HOXD13: variants seen among roughly 807,000 people sequenced by gnomAD.
The protein encoded by HOXD13 is homeobox protein Hox-D13.
Under a neutral mutation model 27.3 loss-of-function variants are expected in HOXD13, and 16 were observed. The ratio of observed to expected loss-of-function variants is 0.59; its 90% CI spans 0.40 to 0.89. The LOEUF (loss-of-function observed/expected upper bound fraction) is 0.89, where lower values mean the gene tolerates loss of function less well. HOXD13 is among the 40% of genes least tolerant of loss of function. The probability of loss-of-function intolerance (pLI) is 0.00; values close to 1 mark genes in which losing one functional copy is unlikely to be tolerated. For synonymous variants in HOXD13, 241 were observed against 219.0 expected, an observed-to-expected ratio of 1.10 and a Z score of -0.89; for missense variants, 481 against 482.6, an observed-to-expected ratio of 1.00 and a Z score of 0.03.
At chr2:176,089,450 A>G (rs1384610354), upstream of HOXD13, among the ~76,000 whole-genome samples, 1 of 152,208 alleles carries the variant, frequency 6.6e-6, no homozygotes, top group Non-Finnish European at 1.5e-5. Flanking sequence ...CCATCAAGAC[A>G]AGTGCTTTCA....
chr2:176,092,472 G>A (rs1185616105), upstream of HOXD13, among the ~76,000 whole-genome samples: 1 of 151,390 alleles, frequency 6.6e-6, no homozygotes, highest in Non-Finnish European at 1.5e-5. Context: ...GCCTGGGTCG[G>A]GGGGGAGGGC....
At chr2:176,089,566 A>G (rs141671331), upstream of HOXD13, among the ~76,000 whole-genome samples, 124 of 152,350 alleles carry the variant, frequency 8.1e-4, no homozygotes, top group Non-Finnish European at 1.6e-3. Context: ...AAGCAGAGCA[A>G]CTTCAATAAA....
At chr2:176,093,994 C>T (rs903661892) in intron 1 of HOXD13, among the ~76,000 whole-genome samples, 1 of 152,158 alleles carries the variant, frequency 6.6e-6, no homozygotes, top group Non-Finnish European at 1.5e-5. Context: ...AGAAACCTGA[C>T]AGAGTTGGGT....
upstream of HOXD13, among the ~76,000 whole-genome samples, chr2:176,089,206 T>C (rs1378904536): frequency 6.6e-6 from 1 of 151,386 alleles, no homozygotes; most frequent in Non-Finnish European, 1.5e-5. Context: ...TGGTTTGTTG[T>C]TGTTGTTGTT....
In HOXD13 at chr2:176,093,523, C is replaced by T. The variant is rs1689363496; in HGVS notation, c.633C>T (p.Ser211=). 3 of 1,614,028 alleles carry T rather than the reference C, an allele frequency of 1.9e-6. No individual in the cohort carries two copies. Among genetic ancestry groups the T allele is most frequent in the Non-Finnish European group, 2.5e-6 (3 of 1,180,028 alleles). Residue 211 remains serine, a synonymous_variant, in exon 1 of 2, where the codon TCC becomes TCT. Coordinates refer to ENST00000392539, the MANE Select transcript of HOXD13 (RefSeq NM_000523.4). ...TGCCCGGCTATATCGACATGGTGTC[C>T]ACTTTCGGCTCCGGGGAGCCTCGGC... The part of the protein sequence containing the change: ...QHVPGYIDMV[S]TFGSGEPRHE...
chr2:176,094,292 CCTT>C (rs1689378021), intron 1 of HOXD13, among the ~76,000 whole-genome samples, 185 bp from the exon 2 acceptor site: 1 of 152,008 alleles, frequency 6.6e-6, no homozygotes, highest in South Asian at 2.1e-4. Flanking sequence ...TGCAAATAAT[CCTT>C]CTTTAATAAC....
At chr2:176,089,832 C>T (rs1333700828), upstream of HOXD13, among the ~76,000 whole-genome samples, 1 of 152,198 alleles carries the variant, frequency 6.6e-6, no homozygotes, top group Non-Finnish European at 1.5e-5. Context: ...CTGAAGAAGA[C>T]ACACGTTTGG....
chr2:176,092,296 C>A (rs1689331620), upstream of HOXD13, among the ~76,000 whole-genome samples: 1 of 152,236 alleles, frequency 6.6e-6, no homozygotes, highest in African/African-American at 2.4e-5. Flanking sequence ...CTGATCATCT[C>A]TGTCCTTCGT....
rs747426894 is a variant in HOXD13 at position 176,093,073 on chromosome 2, A to AGCGGCGGCT, written c.192_200dup (p.Ala69_Ala71dup). 17 of 1,377,776 alleles carry AGCGGCGGCT rather than the reference A, an allele frequency of 1.2e-5. No individual in the cohort carries two copies. Among genetic ancestry groups the AGCGGCGGCT allele is most frequent in the South Asian group, 3.5e-5 (2 of 57,642 alleles). The allele number at this position is 1,377,776 out of a possible 1,614,324, so 85.3% of individuals were successfully genotyped here. A position where few individuals can be genotyped will look rare whatever the true frequency, so the allele number is the denominator to read the frequency against. On this transcript the variant is annotated inframe_insertion, in exon 1 of 2. Transcript: ENST00000392539. ...ATTCGGGGCGGGCGGCGGCGGCGGCAGCGGCGGCTGCGGCGGCGGCGGCGG... is the reference window on the plus strand; with the variant it reads ...ATTCGGGGCGGGCGGCGGCGGCGGCAGCGGCGGCTGCGGCGGCTGCGGCGGCGGCGGCGG...
upstream of HOXD13, among the ~76,000 whole-genome samples, chr2:176,091,206 C>T (rs571216448): frequency 1.3e-4 from 20 of 152,288 alleles, no homozygotes; most frequent in Admixed American, 1.1e-3. Flanking sequence ...GGCTCTCTTC[C>T]TCATCTTACT....
upstream of HOXD13, among the ~76,000 whole-genome samples, chr2:176,091,933 C>G (rs1455320120): frequency 6.6e-6 from 1 of 152,008 alleles, no homozygotes; most frequent in Non-Finnish European, 1.5e-5. Context: ...CTGAGAGGCC[C>G]AGGTCGGAAG....
At position 176,092,863 on chromosome 2, in the gene HOXD13, C is replaced by T; in HGVS notation, c.-28C>T. ...ATGGTGTCCTGCGCGGGGCCAGGGCCAGGGCCGGGGCCGGGCCAGGCCGGG... is the reference window on the plus strand; with the variant it reads ...ATGGTGTCCTGCGCGGGGCCAGGGCTAGGGCCGGGGCCGGGCCAGGCCGGG... On this transcript the variant is annotated 5_prime_UTR_variant, in exon 1 of 2. Transcript: ENST00000392539. 2 of 1,213,854 alleles carry T rather than the reference C, an allele frequency of 1.6e-6. No individual in the cohort carries two copies. Among genetic ancestry groups the T allele is most frequent in the Non-Finnish European group, 2.0e-6 (2 of 976,106 alleles). 75.2% of individuals were successfully genotyped at this position (1,213,854 alleles called of 1,614,324 possible).
rs200514497 is a variant in HOXD13 at position 176,093,204 on chromosome 2, A to C, written c.314A>C (p.Lys105Thr). ...VAARPEAPPAKECPAPTPAAA... is the reference protein window; with the variant it reads ...VAARPEAPPATECPAPTPAAA... The stretch of plus-strand genomic sequence containing the variant: ...GCGCGCCCGGAGGCTCCCCCAGCCA[A>C]AGAGTGCCCAGCACCCACGCCTGCA... The change falls in exon 1 of 2, where the codon AAA (lysine) becomes ACA (threonine). Residue 105 changes from lysine to threonine, a missense_variant. By Grantham distance (78) the Lys-to-Thr change is moderately conservative. Coordinates refer to ENST00000392539, the MANE Select transcript of HOXD13 (RefSeq NM_000523.4). The C allele has an allele frequency of 6.3e-4, 1,009 of 1,609,728 alleles. 6 individuals carry two copies. The African/African-American group carries it at 0.011, about 17-fold the overall frequency.
At chr2:176,091,459 A>T (rs1245330973), upstream of HOXD13, among the ~76,000 whole-genome samples, 1 of 152,118 alleles carries the variant, frequency 6.6e-6, no homozygotes, top group African/African-American at 2.4e-5. Context: ...AGTTGCTGAG[A>T]TTGAGGGATG....
chr2:176,093,314 C>T lies in HOXD13; in HGVS notation c.424C>T (p.His142Tyr). The T allele has an allele frequency of 1.2e-6, 2 of 1,612,916 alleles. No homozygotes were observed. Among genetic ancestry groups the T allele is most frequent in the Non-Finnish European group, 1.7e-6 (2 of 1,179,844 alleles). The change falls in exon 1 of 2, where the codon CAC (histidine) becomes TAC (tyrosine). Residue 142 changes from histidine to tyrosine, a missense_variant. Physicochemically the swap from His to Tyr is moderately conservative, Grantham distance 83. Coordinates refer to ENST00000392539, the MANE Select transcript of HOXD13 (RefSeq NM_000523.4). ...CGGCTACTACAGCTGCCGTATGTCG[C>T]ACGGCGTGGGCTTACAGCAGAATGC... ...GNGYYSCRMS[H>Y]GVGLQQNALK...
In HOXD13 at chr2:176,093,479, A is replaced by G. The variant is rs374086950; in HGVS notation, c.589A>G (p.Thr197Ala). 6.2e-7 allele frequency: 1 copy of G among 1,613,964 alleles called. No individual in the cohort carries two copies. Residue 197 changes from threonine (T) to alanine (A), a missense_variant, in exon 1 of 2, where the codon ACG (threonine) becomes GCG (alanine). Coordinates refer to ENST00000392539, the MANE Select transcript of HOXD13 (RefSeq NM_000523.4). The stretch of plus-strand genomic sequence containing the variant: ...GGAGGTATCCTTCTACCAGGGCTAT[A>G]CGAGCCCTTACCAGCACGTGCCCGG... ...AKEVSFYQGY[T>A]SPYQHVPGYI...
upstream of HOXD13, among the ~76,000 whole-genome samples, chr2:176,091,602 C>G (rs563665659): frequency 1.1e-4 from 17 of 152,314 alleles, no homozygotes; most frequent in South Asian, 3.3e-3. Flanking sequence ...GCCCACCTAA[C>G]CCCTTGAAGT....
At chr2:176,094,033 C>A (rs910207698) in intron 1 of HOXD13, among the ~76,000 whole-genome samples, 1 of 152,154 alleles carries the variant, frequency 6.6e-6, no homozygotes, top group Non-Finnish European at 1.5e-5. Flanking sequence ...ATCACTGCCC[C>A]AAGATGACTA....
At chr2:176,088,219 G>C (rs1489511114), upstream of HOXD13, among the ~76,000 whole-genome samples, 1 of 152,252 alleles carries the variant, frequency 6.6e-6, no homozygotes, top group African/African-American at 2.4e-5. Flanking sequence ...CGGTTTCCAC[G>C]GGTGCAGGTT....
Sources: gnomAD v4.1 joint callset for allele counts (sites outside exome capture counted in the v4.1 genomes callset) on GRCh38, gnomAD v4.1.1 for gene constraint, MANE v1.5 for transcripts, NCBI Gene and HGNC (gene_info 2026-07-23, HGNC 2026-07-21) for gene names.